Variants in DENND5A observed in about 807,000 individuals in gnomAD.
DENND5A encodes DENN domain containing 5A.
Under a neutral mutation model 140.3 loss-of-function variants are expected in DENND5A, and 64 were observed. The observed-to-expected ratio is 0.46, with a 90% CI of 0.37 to 0.56. The LOEUF (loss-of-function observed/expected upper bound fraction) is 0.56. Ranked by LOEUF, DENND5A falls within the 20% of genes least tolerant of loss-of-function variation. The pLI is 0.00. For missense variants in DENND5A, 1,292 were observed against 1,593.8 expected (o/e 0.81, Z 3.22); for synonymous variants, 605 against 607.7 (o/e 1.00, Z 0.07).
intron 4 of DENND5A, among the ~76,000 whole-genome samples, chr11:9,194,895 T>C (rs1849266428): frequency 6.6e-6 from 1 of 150,912 alleles, no homozygotes; most frequent in African/African-American, 2.4e-5. Flanking sequence ...AATTTTGTGT[T>C]TTTGGTAGAG....
intron 1 of DENND5A, among the ~76,000 whole-genome samples, chr11:9,219,738 G>A (rs1850234827): frequency 1.3e-5 from 2 of 152,216 alleles, no homozygotes; most frequent in Non-Finnish European, 2.9e-5. Flanking sequence ...AGAATCCACA[G>A]CTTGCATCAT....
chr11:9,246,050 T>G (rs1851457954), intron 1 of DENND5A, among the ~76,000 whole-genome samples: 1 of 152,128 alleles, frequency 6.6e-6, no homozygotes, highest in Non-Finnish European at 1.5e-5. Flanking sequence ...CGGGACCCCT[T>G]TTTTAGGGCC....
chr11:9,224,427 A>G (rs927545182), intron 1 of DENND5A, among the ~76,000 whole-genome samples: 1 of 152,070 alleles, frequency 6.6e-6, no homozygotes, highest in Non-Finnish European at 1.5e-5. Flanking sequence ...CCTCTAATAC[A>G]TTGATTCACT....
chr11:9,224,598 C>G (rs1850453902), intron 1 of DENND5A, among the ~76,000 whole-genome samples: 1 of 152,030 alleles, frequency 6.6e-6, no homozygotes, highest in Non-Finnish European at 1.5e-5. Context: ...CGGTGGCTCA[C>G]ACCTATAATC....
intron 6 of DENND5A, 146 bp from the exon 7 acceptor site, chr11:9,179,219 G>A: frequency 1.5e-6 from 1 of 664,708 alleles, no homozygotes; most frequent in African/African-American, 1.8e-5. Context: ...GGAAAAACTG[G>A]AAAAAATAAA....
chr11:9,189,567 G>A (rs947260767), intron 5 of DENND5A, among the ~76,000 whole-genome samples: 2 of 152,022 alleles, frequency 1.3e-5, no homozygotes, highest in Admixed American at 6.6e-5. Flanking sequence ...CACAGGGGTG[G>A]AGCAGCCCAA....
intron 4 of DENND5A, among the ~76,000 whole-genome samples, chr11:9,200,843 A>G (rs1017628868): frequency 2.6e-5 from 4 of 152,230 alleles, no homozygotes; most frequent in Non-Finnish European, 5.9e-5. Context: ...TATAATGGCC[A>G]GAGTGATCCT....
intron 4 of DENND5A, 65 bp from the exon 5 acceptor site, chr11:9,193,746 A>G: frequency 7.3e-7 from 1 of 1,375,794 alleles, no homozygotes; most frequent in South Asian, 1.4e-5. Flanking sequence ...CTTGCTTTCC[A>G]AACAGTAAGT....
intron 1 of DENND5A, among the ~76,000 whole-genome samples, chr11:9,219,279 G>A (rs538380618): frequency 6.6e-6 from 1 of 152,086 alleles, no homozygotes; most frequent in Non-Finnish European, 1.5e-5. Context: ...ATTTCAGAAT[G>A]CCAGGGACAA....
chr11:9,220,254 A>C (rs1433760524), intron 1 of DENND5A, among the ~76,000 whole-genome samples: 1 of 152,220 alleles, frequency 6.6e-6, no homozygotes, highest in Non-Finnish European at 1.5e-5. Context: ...TATGATATTT[A>C]AAAATAATTC....
chr11:9,214,318 G>A (rs1010126212), intron 1 of DENND5A, among the ~76,000 whole-genome samples: 3 of 152,118 alleles, frequency 2.0e-5, no homozygotes, highest in African/African-American at 7.2e-5. Flanking sequence ...CAAATCAGAG[G>A]GCATCACCTG....
At chr11:9,160,676 C>A in intron 12 of DENND5A, 37 bp downstream of exon 12, 2 of 1,576,086 alleles carry the variant, frequency 1.3e-6, no homozygotes, top group Non-Finnish European at 1.7e-6. Context: ...AACAGGAAGA[C>A]AATTTGCTCA....
At chr11:9,154,257 C>A (rs1393123032) in intron 12 of DENND5A, among the ~76,000 whole-genome samples, 1 of 152,080 alleles carries the variant, frequency 6.6e-6, no homozygotes, top group Non-Finnish European at 1.5e-5. Flanking sequence ...AATTGAGGAT[C>A]GGAAAGGTTA....
At chr11:9,243,835 A>G (rs568185667) in intron 1 of DENND5A, among the ~76,000 whole-genome samples, 2 of 152,114 alleles carry the variant, frequency 1.3e-5, no homozygotes, top group South Asian at 4.2e-4. Flanking sequence ...GCAGTGAGCC[A>G]AGATCACACC....
chr11:9,258,963 T>A (rs1350803221), intron 1 of DENND5A, among the ~76,000 whole-genome samples: 1 of 152,106 alleles, frequency 6.6e-6, no homozygotes. Flanking sequence ...TTATTTTTTA[T>A]AAAAACAGGG....
chr11:9,203,605 A>T (rs1849590987), intron 4 of DENND5A, 55 bp downstream of exon 4: 2 of 1,546,958 alleles, frequency 1.3e-6, no homozygotes, highest in East Asian at 4.5e-5. Context: ...GTATCTGAAC[A>T]TGGAAAGCAA....
intron 11 of DENND5A, among the ~76,000 whole-genome samples, chr11:9,165,157 G>A (rs1005053613): frequency 1.3e-4 from 19 of 151,918 alleles, no homozygotes; most frequent in African/African-American, 4.1e-4. Flanking sequence ...ATGCCACCAC[G>A]CCCGGCTAAA....
rs1362458093 is a variant in DENND5A, at chr11:9,175,924, T to C, written c.1906+2208A>G. On this transcript the variant is annotated intron_variant, in intron 8 of 22. Transcript: ENST00000328194. Reference sequence around the variant, plus strand: ...CTTGGTAGGGCAAAAGTGTCTTAGATACAATAAAAGTATAATCCAACTGAT... The same window carrying C: ...CTTGGTAGGGCAAAAGTGTCTTAGACACAATAAAAGTATAATCCAACTGAT... 3.9e-5 allele frequency among the ~76,000 whole-genome samples: 6 copies of C among 152,300 alleles called. No individual in the cohort carries two copies. The East Asian group carries it at 1.2e-3, about 29-fold the overall frequency.
chr11:9,164,060 T>TTTG (rs1848090793), intron 11 of DENND5A, among the ~76,000 whole-genome samples: 1 of 72,700 alleles, frequency 1.4e-5, no homozygotes, highest in Non-Finnish European at 2.7e-5. Flanking sequence ...AATCAGGTTT[T>TTTG]TTTTTTTTTT....
Sources: gnomAD v4.1 joint callset for allele counts (sites outside exome capture counted in the v4.1 genomes callset) on GRCh38, gnomAD v4.1.1 for gene constraint, MANE v1.5 for transcripts, NCBI Gene and HGNC (gene_info 2026-07-23, HGNC 2026-07-21) for gene names.